The following ATP8A2 variants were observed in gnomAD, a reference collection of about 807,000 sequenced individuals.
ATP8A2 encodes ATPase phospholipid transporting 8A2.
In ATP8A2, 100 loss-of-function variants were observed where a neutral mutation model predicts 165.6. The ratio of observed to expected loss-of-function variants is 0.60; its 90% CI spans 0.51 to 0.71. ATP8A2 has a LOEUF of 0.71. ATP8A2 is among the 30% of genes least tolerant of loss of function. The probability of loss-of-function intolerance (pLI) is 0.00; values close to 1 mark genes in which losing one functional copy is unlikely to be tolerated. For synonymous variants in ATP8A2, 543 were observed against 548.8 expected, an observed-to-expected ratio of 0.99 and a Z score of 0.15; for missense variants, 1,227 against 1,479.5, an observed-to-expected ratio of 0.83 and a Z score of 2.80.
At chr13:25,793,833 C>T (rs1291136438) in intron 27 of ATP8A2, among the ~76,000 whole-genome samples, 1 of 152,156 alleles carries the variant, frequency 6.6e-6, no homozygotes, top group Non-Finnish European at 1.5e-5. Context: ...TGAGTGTACT[C>T]AGGTGACCAC....
At chr13:25,715,401 A>G (rs2043235724) in intron 25 of ATP8A2, among the ~76,000 whole-genome samples, 1 of 152,234 alleles carries the variant, frequency 6.6e-6, no homozygotes, top group South Asian at 2.1e-4. Context: ...TCAAATTAGT[A>G]TACTCATACA....
At chr13:25,613,274 G>T (rs2040735952) in intron 24 of ATP8A2, among the ~76,000 whole-genome samples, 1 of 152,150 alleles carries the variant, frequency 6.6e-6, no homozygotes, top group African/African-American at 2.4e-5. Flanking sequence ...TTTGTTTTAA[G>T]ATTTAGAGCT....
intron 2 of ATP8A2, among the ~76,000 whole-genome samples, chr13:25,499,783 A>G (rs1360933941): frequency 7.1e-6 from 1 of 141,576 alleles, no homozygotes; most frequent in Non-Finnish European, 1.6e-5. Context: ...CACAAGAACT[A>G]GATAACTTCA....
intron 24 of ATP8A2, among the ~76,000 whole-genome samples, chr13:25,656,150 A>G (rs1219262137): frequency 6.6e-6 from 1 of 152,194 alleles, no homozygotes; most frequent in African/African-American, 2.4e-5. Context: ...AGTACTCAGG[A>G]ACACCATGAG....
chr13:25,443,957 C>CAT (rs1440498853), intron 1 of ATP8A2, among the ~76,000 whole-genome samples: 2 of 152,160 alleles, frequency 1.3e-5, no homozygotes, highest in African/African-American at 4.8e-5. Flanking sequence ...TGAGATTTAG[C>CAT]ATAAAGTATA....
chr13:25,720,961 CT>C (rs57485267), intron 25 of ATP8A2, among the ~76,000 whole-genome samples: 30,032 of 129,694 alleles, frequency 0.23, 4,239 homozygotes, highest in African/African-American at 0.44. Context: ...GGAGCTTTAG[CT>C]TTTTTTTTTT....
At chr13:25,406,986 A>G (rs1728636429) in intron 1 of ATP8A2, among the ~76,000 whole-genome samples, 1 of 152,096 alleles carries the variant, frequency 6.6e-6, no homozygotes. Flanking sequence ...GATTCTGGAG[A>G]CAGCAACAGC....
At chr13:25,809,437 T>C (rs1207125866) in intron 27 of ATP8A2, among the ~76,000 whole-genome samples, 1 of 152,214 alleles carries the variant, frequency 6.6e-6, no homozygotes, top group Non-Finnish European at 1.5e-5. Context: ...GATTCTTTCA[T>C]CTCAACACTC....
At chr13:25,617,219 C>G (rs2040849138) in intron 24 of ATP8A2, among the ~76,000 whole-genome samples, 1 of 151,226 alleles carries the variant, frequency 6.6e-6, no homozygotes, top group Non-Finnish European at 1.5e-5. Context: ...TGTTCATTTC[C>G]TCAAAGTTAA....
intron 2 of ATP8A2, among the ~76,000 whole-genome samples, chr13:25,512,922 A>G (rs1315262331): frequency 9.1e-6 from 1 of 110,272 alleles, no homozygotes; most frequent in Non-Finnish European, 1.9e-5. Flanking sequence ...TGACCCCCCC[A>G]CCTCCCTCCC....
chr13:25,558,877 A>G, intron 13 of ATP8A2, 96 bp from the exon 14 acceptor site: 2 of 802,044 alleles, frequency 2.5e-6, no homozygotes, highest in Non-Finnish European at 3.9e-6. Context: ...TACCCGTTTC[A>G]TACAGGTTTT....
chr13:25,427,057 G>A (rs2034470083), intron 1 of ATP8A2, among the ~76,000 whole-genome samples: 1 of 152,198 alleles, frequency 6.6e-6, no homozygotes, highest in Admixed American at 6.5e-5. Flanking sequence ...GAGGGGGTGT[G>A]AGAGAGTATG....
intron 24 of ATP8A2, among the ~76,000 whole-genome samples, chr13:25,651,715 G>A (rs2041817637): frequency 6.6e-6 from 1 of 152,004 alleles, no homozygotes; most frequent in Non-Finnish European, 1.5e-5. Context: ...TTTTAGGTAT[G>A]TGAATTATAC....
Position 25,915,839 on chromosome 13 carries a change from A to G in ATP8A2, c.3184-45736A>G, listed in dbSNP as rs75553521. Among the ~76,000 whole-genome samples, 548 of 152,378 alleles carry G rather than the reference A, an allele frequency of 3.6e-3. 1 individual carries two copies. Among genetic ancestry groups the G allele is most frequent in the Middle Eastern group, 6.8e-3 (2 of 294 alleles). On this transcript the variant is annotated intron_variant, in intron 33 of 36. Coordinates refer to ENST00000381655, the MANE Select transcript of ATP8A2 (RefSeq NM_016529.6). ...ACCAAGTAAGGTTTAATAAGTATTT[A>G]GTGAATTGCAATGAACTCTAAGGTT...
At chr13:25,822,632 C>T (rs911903341) in intron 27 of ATP8A2, among the ~76,000 whole-genome samples, 1 of 152,122 alleles carries the variant, frequency 6.6e-6, no homozygotes, top group Non-Finnish European at 1.5e-5. Context: ...TTTGTAAGAA[C>T]TTTTTATATA....
intron 33 of ATP8A2, among the ~76,000 whole-genome samples, chr13:25,955,217 A>G (rs774660429): frequency 1.3e-5 from 2 of 152,236 alleles, no homozygotes; most frequent in Non-Finnish European, 2.9e-5. Flanking sequence ...TAAAAGATCT[A>G]GAGAAGCAAG....
chr13:25,618,798 A>T (rs550854972), intron 24 of ATP8A2, among the ~76,000 whole-genome samples: 20 of 151,840 alleles, frequency 1.3e-4, no homozygotes, highest in African/African-American at 4.6e-4. Context: ...GCAGGGTCAC[A>T]TAGAATAGCA....
chr13:25,593,611 G>A (rs7332467), intron 24 of ATP8A2, among the ~76,000 whole-genome samples: 25,902 of 152,136 alleles, frequency 0.17, 2,658 homozygotes, highest in Non-Finnish European at 0.25. Context: ...TTGATAATAC[G>A]TAAGGATTGC....
intron 33 of ATP8A2, among the ~76,000 whole-genome samples, chr13:25,873,618 T>C (rs915560898): frequency 6.6e-6 from 1 of 151,934 alleles, no homozygotes; most frequent in African/African-American, 2.4e-5. Flanking sequence ...CAGGCTCTGT[T>C]ATTTTTACCC....
Sources: allele counts gnomAD v4.1 joint callset (sites outside exome capture counted in the v4.1 genomes callset), GRCh38; gene constraint gnomAD v4.1.1; transcripts MANE v1.5; gene names NCBI Gene and HGNC (gene_info 2026-07-23, HGNC 2026-07-21).